Variants in LOXHD1 observed in about 807,000 individuals in gnomAD.
LOXHD1 encodes the protein lipoxygenase homology PLAT domains 1.
LOXHD1 carries 205 observed loss-of-function variants against 248.2 expected under a neutral mutation model. That is an observed-to-expected ratio of 0.83 (90% CI 0.74 to 0.93). The LOEUF is 0.93. Among genes scored for constraint, LOXHD1 ranks in the 40% least tolerant of loss-of-function variants. The probability of loss-of-function intolerance (pLI) is 0.00; values close to 1 mark genes in which losing one functional copy is unlikely to be tolerated. For missense variants in LOXHD1, 2,930 were observed against 2,971.6 expected, an observed-to-expected ratio of 0.99 and a Z score of 0.33; for synonymous variants, 1,113 against 1,162.8, an observed-to-expected ratio of 0.96 and a Z score of 0.87.
intron 1 of LOXHD1, among the ~76,000 whole-genome samples, chr18:46,653,282 T>G (rs116937573): frequency 0.025 from 3,817 of 152,220 alleles, 70 homozygotes; most frequent in Middle Eastern, 0.048. Flanking sequence ...AAGACTAATC[T>G]ATGATGACAG....
At chr18:46,484,339 T>C (rs758114188) in intron 39 of LOXHD1, among the ~76,000 whole-genome samples, 7 of 152,086 alleles carry the variant, frequency 4.6e-5, no homozygotes, top group Non-Finnish European at 7.4e-5. Context: ...TGATGGTATT[T>C]GGAGGTAGGG....
At chr18:46,643,237 G>A (rs987312646) in intron 2 of LOXHD1, among the ~76,000 whole-genome samples, 3 of 152,208 alleles carry the variant, frequency 2.0e-5, no homozygotes, top group Non-Finnish European at 4.4e-5. Flanking sequence ...TGCAGCCTGG[G>A]TGCAAAGGAT....
intron 16 of LOXHD1, among the ~76,000 whole-genome samples, chr18:46,568,475 C>G (rs1599012961): frequency 6.6e-6 from 1 of 152,128 alleles, no homozygotes; most frequent in East Asian, 1.9e-4. Flanking sequence ...GGCCACATCC[C>G]TAGAGTGACC....
chr18:46,498,969 T>C (rs2143785041), intron 37 of LOXHD1, among the ~76,000 whole-genome samples: 1 of 152,286 alleles, frequency 6.6e-6, no homozygotes, highest in South Asian at 2.1e-4. Context: ...TCTGTGGAAG[T>C]CTAGAAAAGG....
chr18:46,533,206 C>T lies in LOXHD1; in HGVS notation c.4331G>A (p.Gly1444Glu), dbSNP rs1481569728. ...TTCCTTGTAGACTTGCCGTAAGGAC[C>T]CATCTTTCATGTATTTCTCAGTGAA... ...DIFTEKYMKD[G>E]SLRQVYKEVE... The change falls in exon 28 of 41, where the codon GGG (glycine) becomes GAG (glutamate). Residue 1444 changes from glycine (G) to glutamate (E), a missense_variant. By Grantham distance (98) the Gly-to-Glu change is moderately conservative. Coordinates refer to ENST00000642948, the MANE Select transcript of LOXHD1 (RefSeq NM_001384474.1). 1 of 1,551,710 alleles carries T rather than the reference C, an allele frequency of 6.4e-7. No homozygotes were observed. Among genetic ancestry groups the T allele is most frequent in the South Asian group, 1.2e-5 (1 of 84,058 alleles).
At chr18:46,570,837 C>T (rs147536853) in intron 15 of LOXHD1, among the ~76,000 whole-genome samples, 20 of 152,300 alleles carry the variant, frequency 1.3e-4, no homozygotes, top group African/African-American at 3.6e-4. Flanking sequence ...CACATGCGTG[C>T]GGGCTGTGGG....
intron 34 of LOXHD1, among the ~76,000 whole-genome samples, chr18:46,510,026 T>A (rs904101769): frequency 3.3e-5 from 5 of 152,206 alleles, no homozygotes; most frequent in Non-Finnish European, 7.3e-5. Flanking sequence ...CTAGTAGAAA[T>A]GGCCCCGAAC....
chr18:46,546,390 ATCCACTCCACTCCATTCTAC>A (rs1299698172), intron 22 of LOXHD1, among the ~76,000 whole-genome samples: 16 of 129,694 alleles, frequency 1.2e-4, no homozygotes, highest in African/African-American at 4.4e-4. Context: ...TTCCATTCCA[ATCCACTCCACTCCATTCTAC>A]TCCACTCCAC....
At chr18:46,493,418 C>T (rs2033625775) in intron 37 of LOXHD1, among the ~76,000 whole-genome samples, 1 of 152,180 alleles carries the variant, frequency 6.6e-6, no homozygotes, top group East Asian at 1.9e-4. Flanking sequence ...TGTCTTCTTC[C>T]ACTAGGTTGT....
intron 2 of LOXHD1, among the ~76,000 whole-genome samples, chr18:46,642,516 C>T (rs1461599638): frequency 6.6e-6 from 1 of 152,196 alleles, no homozygotes; most frequent in Non-Finnish European, 1.5e-5. Flanking sequence ...AGATGCAGAC[C>T]TTGGGTGGCA....
chr18:46,557,369 T>C lies in LOXHD1; in HGVS notation c.3337A>G (p.Asn1113Asp), dbSNP rs2037385846. Residue 1113 changes from asparagine to aspartate, a missense_variant, in exon 21 of 41, where the codon AAC becomes GAC. Coordinates refer to ENST00000642948, the MANE Select transcript of LOXHD1 (RefSeq NM_001384474.1). ...CCCCACACTCACGTGATCTCGTTGT[T>C]CATGTCAGTAATGTCTATTCTGTCC... ...FLDRIDITDM[N>D]NEITYYFPCQ... The C allele has an allele frequency of 6.4e-7, 1 of 1,552,246 alleles. No individual in the cohort carries two copies. The highest frequency in any genetic ancestry group is 2.0e-5 in the Admixed American group (1 of 50,990).
At chr18:46,629,153 A>C (rs929252417) in intron 4 of LOXHD1, among the ~76,000 whole-genome samples, 1 of 152,144 alleles carries the variant, frequency 6.6e-6, no homozygotes, top group Admixed American at 6.5e-5. Context: ...AAAGACTCCA[A>C]GAGACCCCCT....
intron 4 of LOXHD1, among the ~76,000 whole-genome samples, chr18:46,623,825 G>A (rs899982762): frequency 6.6e-6 from 1 of 152,240 alleles, no homozygotes; most frequent in Non-Finnish European, 1.5e-5. Flanking sequence ...TCTCCAGAGA[G>A]CCACCCCAGG....
chr18:46,589,612 G>C (rs896167898), intron 12 of LOXHD1, among the ~76,000 whole-genome samples: 13 of 152,284 alleles, frequency 8.5e-5, no homozygotes, highest in Non-Finnish European at 1.2e-4. Context: ...CATAGCTGGT[G>C]GTGGGCCTAG....
intron 37 of LOXHD1, among the ~76,000 whole-genome samples, chr18:46,495,840 T>C (rs35561124): frequency 0.036 from 5,411 of 152,288 alleles, 133 homozygotes; most frequent in South Asian, 0.059. Context: ...GAGATCAGCC[T>C]GACCAACATG....
intron 4 of LOXHD1, among the ~76,000 whole-genome samples, chr18:46,618,712 G>A (rs1429951604): frequency 6.6e-6 from 1 of 152,120 alleles, no homozygotes; most frequent in Non-Finnish European, 1.5e-5. Context: ...CTCTAACTAG[G>A]CCCTCTGTAT....
intron 4 of LOXHD1, among the ~76,000 whole-genome samples, chr18:46,634,064 C>T (rs549239297): frequency 5.9e-5 from 9 of 152,246 alleles, no homozygotes; most frequent in African/African-American, 2.2e-4. Flanking sequence ...ATATAATACC[C>T]AGCAAATCTG....
chr18:46,652,598 T>C (rs1432629828), intron 1 of LOXHD1, among the ~76,000 whole-genome samples: 1 of 152,234 alleles, frequency 6.6e-6, no homozygotes, highest in African/African-American at 2.4e-5. Context: ...GTCACTCTCA[T>C]ACATGTAAAT....
chr18:46,593,554 A>C (rs2038210002), intron 10 of LOXHD1, 46 bp downstream of exon 10: 20 of 1,544,292 alleles, frequency 1.3e-5, no homozygotes, highest in Non-Finnish European at 1.7e-5. Flanking sequence ...AATGCCCTAC[A>C]TCCCTTCCTC....
Sources: gnomAD v4.1 joint callset for allele counts (sites outside exome capture counted in the v4.1 genomes callset) on GRCh38, gnomAD v4.1.1 for gene constraint, MANE v1.5 for transcripts, NCBI Gene and HGNC (gene_info 2026-07-23, HGNC 2026-07-21) for gene names.